Variants in FYN observed in about 807,000 individuals in gnomAD.
FYN encodes FYN proto-oncogene, Src family tyrosine kinase, also known as tyrosine-protein kinase Fyn.
In FYN, 10 loss-of-function variants were observed where a neutral mutation model predicts 70.2. That is an observed-to-expected ratio of 0.14 (90% CI 0.09 to 0.24). The LOEUF (loss-of-function observed/expected upper bound fraction) is 0.24, where lower values mean the gene tolerates loss of function less well. Among genes scored for constraint, FYN ranks in the 10% least tolerant of loss-of-function variants. The pLI is 1.00. For synonymous variants in FYN, 236 were observed against 248.6 expected (o/e 0.95, Z 0.48); for missense variants, 319 against 673.1 (o/e 0.47, Z 5.82).
chr6:111,673,805 C>T (rs1798417972), intron 13 of FYN, among the ~76,000 whole-genome samples: 2 of 152,016 alleles, frequency 1.3e-5, no homozygotes, highest in Admixed American at 1.3e-4. Context: ...TTTATGTCAC[C>T]ATCTGTCGAC....
At chr6:111,858,401 G>A (rs1773878538) in intron 1 of FYN, 1 of 152,270 alleles carries the variant, frequency 6.6e-6, no homozygotes, top group South Asian at 2.1e-4. Context: ...ATCTCTGCAA[G>A]CTCCTCCTTC....
intron 13 of FYN, among the ~76,000 whole-genome samples, chr6:111,668,216 C>G (rs1193252419): frequency 6.6e-6 from 1 of 152,186 alleles, no homozygotes; most frequent in Non-Finnish European, 1.5e-5. Flanking sequence ...GGTTAATAAC[C>G]GTGACACTGA....
intron 3 of FYN, among the ~76,000 whole-genome samples, chr6:111,757,130 T>C (rs1802773429): frequency 6.6e-6 from 1 of 152,152 alleles, no homozygotes; most frequent in Admixed American, 6.5e-5. Context: ...ATTATTAGAA[T>C]TGATAAGAGG....
chr6:111,699,520 C>T (rs1799734742), intron 9 of FYN: 2 of 1,612,680 alleles, frequency 1.2e-6, no homozygotes, highest in African/African-American at 1.3e-5. Flanking sequence ...CTTACCAAGC[C>T]ACACTTCAGC....
At chr6:111,783,574 C>T (rs948429694) in intron 2 of FYN, among the ~76,000 whole-genome samples, 1 of 152,216 alleles carries the variant, frequency 6.6e-6, no homozygotes, top group Non-Finnish European at 1.5e-5. Flanking sequence ...ATGAAATTTT[C>T]GTGAGTGCTC....
chr6:111,821,720 T>C (rs1228205112), intron 2 of FYN, among the ~76,000 whole-genome samples: 1 of 152,040 alleles, frequency 6.6e-6, no homozygotes, highest in Non-Finnish European at 1.5e-5. Context: ...GGAGAAAATT[T>C]TTGCAATCTA....
chr6:111,661,710 G>C lies in FYN; in HGVS notation c.*29C>G. On this transcript the variant is annotated 3_prime_UTR_variant, in exon 14 of 14. Transcript: ENST00000354650. This position sits in a 1 kb window ranked among gnomAD's most constrained non-coding sequence, Gnocchi z 4.0. The stretch of plus-strand genomic sequence containing the variant: ...TGGGGAGGGGTGGGGCAGCCTCTGG[G>C]ACAAGGCCTCTCTCCGCAGACCCGG... The C allele has an allele frequency of 6.3e-7, 1 of 1,598,394 alleles. No homozygotes were observed. Among genetic ancestry groups the C allele is most frequent in the Non-Finnish European group, 8.6e-7 (1 of 1,169,110 alleles).
At position 111,699,913 on chromosome 6, in the gene FYN, C is replaced by CTTTT. The variant is rs71021861; in HGVS notation, c.862+187_862+190dup. The stretch of plus-strand genomic sequence containing the variant: ...TTTGCCAATTTTGCCCACTTACTAT[C>CTTTT]TTTTTTTTTTTTTTTTTTTTTTTTT... On this transcript the variant is annotated intron_variant, in intron 9 of 13. Transcript: ENST00000354650. 292 of 186,460 alleles carry CTTTT rather than the reference C, an allele frequency of 1.6e-3. 1 individual carries two copies. The highest frequency in any genetic ancestry group is 5.3e-3 in the South Asian group (56 of 10,618). The allele number at this position is 186,460 out of a possible 1,614,324, so 11.6% of individuals were successfully genotyped here. A position where few individuals can be genotyped will look rare whatever the true frequency, so the allele number is the denominator to read the frequency against.
chr6:111,733,049 T>C (rs1228513023), intron 3 of FYN, among the ~76,000 whole-genome samples: 2 of 152,232 alleles, frequency 1.3e-5, no homozygotes, highest in East Asian at 3.9e-4. Flanking sequence ...GTGAATCTAA[T>C]ACAGAGGTCA....
chr6:111,735,767 T>C (rs1801682599), intron 3 of FYN, among the ~76,000 whole-genome samples: 2 of 152,190 alleles, frequency 1.3e-5, no homozygotes, highest in Admixed American at 1.3e-4. Context: ...ACTCTATCCA[T>C]TCTAGCTACC....
chr6:111,728,677 T>G (rs1801302875), intron 3 of FYN, among the ~76,000 whole-genome samples: 1 of 152,244 alleles, frequency 6.6e-6, no homozygotes, highest in Admixed American at 6.5e-5. Flanking sequence ...GTATTAGTAC[T>G]TCATTCCTTT....
chr6:111,842,318 G>A (rs1773386116), intron 2 of FYN, among the ~76,000 whole-genome samples: 1 of 152,202 alleles, frequency 6.6e-6, no homozygotes, highest in African/African-American at 2.4e-5. Context: ...GAACTGCCCT[G>A]TCCAGTGTCC....
intron 13 of FYN, among the ~76,000 whole-genome samples, chr6:111,672,185 A>C (rs1454693472): frequency 6.6e-6 from 1 of 152,182 alleles, no homozygotes; most frequent in Non-Finnish European, 1.5e-5. Flanking sequence ...CTGTCCTCCC[A>C]GGCCTATGTG....
chr6:111,754,157 C>A (rs576913317), intron 3 of FYN, among the ~76,000 whole-genome samples: 99 of 152,308 alleles, frequency 6.5e-4, no homozygotes, highest in African/African-American at 2.4e-3. Context: ...TTATCAAATT[C>A]AATGCTAGGC....
intron 2 of FYN, among the ~76,000 whole-genome samples, chr6:111,836,946 T>C (rs1456141124): frequency 6.6e-6 from 1 of 152,226 alleles, no homozygotes; most frequent in African/African-American, 2.4e-5. Context: ...ACTGTAAAGA[T>C]ATATGATTGG....
At chr6:111,769,588 C>A (rs1562513519) in intron 3 of FYN, among the ~76,000 whole-genome samples, 1 of 152,140 alleles carries the variant, frequency 6.6e-6, no homozygotes, top group Non-Finnish European at 1.5e-5. Flanking sequence ...AACCTAACCA[C>A]TGTTAATCAA....
At chr6:111,737,189 T>TCAAGCAAG (rs1273139947) in intron 3 of FYN, among the ~76,000 whole-genome samples, 1 of 152,206 alleles carries the variant, frequency 6.6e-6, no homozygotes, top group Non-Finnish European at 1.5e-5. Flanking sequence ...TCCCCACATA[T>TCAAGCAAG]CAAGCAAGCA....
intron 2 of FYN, among the ~76,000 whole-genome samples, chr6:111,814,431 G>A (rs553906246): frequency 1.3e-5 from 2 of 152,018 alleles, no homozygotes; most frequent in Non-Finnish European, 2.9e-5. Context: ...TTCACTGCAA[G>A]CTTCTGGAAT....
chr6:111,703,894 A>G, intron 7 of FYN, 105 bp downstream of exon 7: 1 of 828,602 alleles, frequency 1.2e-6, no homozygotes, highest in Non-Finnish European at 2.0e-6. Flanking sequence ...CAGGGAGGGT[A>G]TGTGCCATTT....
Sources: gnomAD v4.1 joint callset for allele counts (sites outside exome capture counted in the v4.1 genomes callset) on GRCh38, gnomAD v4.1.1 for gene constraint, Gnocchi (gnomAD v3.1) non-coding constraint, MANE v1.5 for transcripts, NCBI Gene and HGNC (gene_info 2026-07-23, HGNC 2026-07-21) for gene names.